KNL1: variants seen among roughly 807,000 people sequenced by gnomAD.
KNL1 encodes outer kinetochore KNL1 complex subunit KNL1.
A neutral mutation model predicts 201.3 loss-of-function variants in KNL1; 66 were observed. The ratio of observed to expected loss-of-function variants is 0.33; its 90% CI spans 0.27 to 0.40. The LOEUF (loss-of-function observed/expected upper bound fraction) is 0.40. KNL1 is among the 10% of genes least tolerant of loss of function. KNL1 has a pLI of 1.00. For synonymous variants in KNL1, 895 were observed against 899.2 expected (o/e 1.00, Z 0.08); for missense variants, 2,815 against 2,690.5 (o/e 1.05, Z -1.02).
intron 13 of KNL1, among the ~76,000 whole-genome samples, chr15:40,638,401 T>C (rs1255605912): frequency 1.3e-5 from 2 of 152,172 alleles, no homozygotes; most frequent in Non-Finnish European, 2.9e-5. Flanking sequence ...TCTTGCTTTG[T>C]TTCTCAGGCT....
At position 40,628,689 on chromosome 15, in the gene KNL1, A is replaced by G; in HGVS notation, c.5583+11A>G. On this transcript the variant is annotated intron_variant, in intron 12 of 25. Transcript: ENST00000399668. The stretch of plus-strand genomic sequence containing the variant: ...GAGAGCTTGAGGGAGGTATGTTAAA[A>G]TTCTTTTTCTTTTTTTTATTTATAA... The G allele has an allele frequency of 1.3e-6, 2 of 1,524,006 alleles. No homozygotes were observed. The highest frequency in any genetic ancestry group is 1.8e-6 in the Non-Finnish European group (2 of 1,116,832). The allele number at this position is 1,524,006 out of a possible 1,614,324, so 94.4% of individuals were successfully genotyped here. A position where few individuals can be genotyped will look rare whatever the true frequency, so the allele number is the denominator to read the frequency against.
chr15:40,616,192 G>C (rs1409271295), intron 8 of KNL1, among the ~76,000 whole-genome samples: 2 of 144,650 alleles, frequency 1.4e-5, no homozygotes, highest in Non-Finnish European at 1.5e-5. Flanking sequence ...GGTGCAATCT[G>C]GGCTCACTGC....
At chr15:40,610,204 A>G (rs1432186288) in intron 5 of KNL1, 41 bp from the exon 6 acceptor site, 1 of 1,064,584 alleles carries the variant, frequency 9.4e-7, no homozygotes, top group South Asian at 1.3e-5. Context: ...GATAATGATT[A>G]CAAATTGCAG....
At chr15:40,651,365 T>C (rs1595945852) in intron 19 of KNL1, 106 bp from the exon 20 acceptor site, 1 of 512,374 alleles carries the variant, frequency 2.0e-6, no homozygotes, top group East Asian at 3.6e-5. Flanking sequence ...ATTACCTCAA[T>C]GGGGAGTCAT....
At position 40,621,703 on chromosome 15, in the gene KNL1, G is replaced by T. The variant is rs1892536056; in HGVS notation, c.1439G>T (p.Gly480Val). The change falls in exon 10 of 26, where the codon GGA (glycine) becomes GTA (valine). Residue 480 changes from glycine to valine, a missense_variant. Gly to Val is a moderately radical substitution (Grantham distance 109, BLOSUM62 -3). Around this residue, in one of 3 missense-constraint regions of KNL1, gnomAD observed 2,464 missense variants for 2,291.7 expected, o/e 1.08. Transcript: ENST00000399668. Reference protein sequence around the residue: ...SSLTEKTIYSGEENMDITKSH... With the variant: ...SSLTEKTIYSVEENMDITKSH... Reference sequence around the variant, plus strand: ...CTCACAGAGAAAACTATTTATTCCGGAGAGGAGAACATGGACATTACCAAG... The same window carrying T: ...CTCACAGAGAAAACTATTTATTCCGTAGAGGAGAACATGGACATTACCAAG... 6.2e-7 allele frequency: 1 copy of T among 1,611,830 alleles called. No individual in the cohort carries two copies. Among genetic ancestry groups the T allele is most frequent in the Non-Finnish European group, 8.5e-7 (1 of 1,178,250 alleles).
At chr15:40,648,528 A>T (rs1191039815) in intron 17 of KNL1, among the ~76,000 whole-genome samples, 8 of 152,218 alleles carry the variant, frequency 5.3e-5, no homozygotes, top group African/African-American at 1.9e-4. Context: ...CACAATTCTT[A>T]TACATTGTAA....
intron 7 of KNL1, among the ~76,000 whole-genome samples, chr15:40,613,946 T>C (rs907721029): frequency 2.7e-5 from 4 of 148,414 alleles, no homozygotes; most frequent in South Asian, 4.3e-4. Context: ...TACAGGCGCC[T>C]GCCACCACGC....
In KNL1 at chr15:40,650,378, G is replaced by A. The variant is rs1183711426; in HGVS notation, c.6172G>A (p.Glu2058Lys). 1.2e-6 allele frequency: 2 copies of A among 1,610,596 alleles called. No homozygotes were observed. The highest frequency in any genetic ancestry group is 1.7e-6 in the Non-Finnish European group (2 of 1,177,036). The stretch of plus-strand genomic sequence containing the variant: ...TTCTGAAATGAGAGCTGCAGAAAAA[G>A]GTAATTGAATTAGTTAAGGAGATAA... ...WDSEMRAAEK[E>K]LEQLKTEEEE... The change falls in exon 18 of 26, where the codon GAA becomes AAA. Residue 2058 changes from glutamate to lysine, a missense_variant and splice_region_variant. Glu to Lys is a moderately conservative substitution (Grantham distance 56). This residue lies in a region of KNL1 where 334 missense variants were observed against 362.6 expected (regional missense o/e 0.92). Transcript: ENST00000399668.
chr15:40,634,586 T>A (rs1893002874), intron 13 of KNL1, among the ~76,000 whole-genome samples: 1 of 152,208 alleles, frequency 6.6e-6, no homozygotes, highest in Non-Finnish European at 1.5e-5. Flanking sequence ...CTTTTGGGCC[T>A]CAGCCTCATT....
rs1205826954 is a variant in KNL1 at position 40,621,978 on chromosome 15, A to G, written c.1714A>G (p.Met572Val). ...RKTELLSGEN[M>V]DLTESHTSNL... ...GACTGAACTCTTATCAGGTGAAAAT[A>G]TGGATTTGACTGAAAGTCACACAAG... The change falls in exon 10 of 26, where the codon ATG (methionine) becomes GTG (valine). Residue 572 changes from methionine to valine, a missense_variant. Physicochemically the swap from Met to Val is conservative, Grantham distance 21. Coordinates refer to ENST00000399668, the MANE Select transcript of KNL1 (RefSeq NM_144508.5). 6.2e-7 allele frequency: 1 copy of G among 1,614,080 alleles called. No individual in the cohort carries two copies. The highest frequency in any genetic ancestry group is 1.1e-5 in the South Asian group (1 of 91,082).
intron 8 of KNL1, among the ~76,000 whole-genome samples, chr15:40,616,125 CTT>C (rs34211041): frequency 7.5e-5 from 10 of 133,402 alleles, no homozygotes; most frequent in Non-Finnish European, 7.9e-5. Flanking sequence ...ACTATTACTT[CTT>C]TTTTTTTTTT....
intron 10 of KNL1, among the ~76,000 whole-genome samples, chr15:40,626,465 C>T (rs1358179799): frequency 1.3e-5 from 2 of 151,920 alleles, no homozygotes; most frequent in African/African-American, 4.8e-5. Flanking sequence ...GCCACCACGT[C>T]CAGCCTGCAT....
intron 13 of KNL1, among the ~76,000 whole-genome samples, chr15:40,636,098 A>G (rs577563648): frequency 5.1e-4 from 77 of 152,320 alleles, no homozygotes; most frequent in Admixed American, 1.2e-3. Flanking sequence ...TCGGCCTCCC[A>G]AAGTGCTGGG....
In KNL1 at chr15:40,624,547, A is replaced by G; in HGVS notation, c.4283A>G (p.Asp1428Gly). The change falls in exon 10 of 26, where the codon GAT becomes GGT. Residue 1428 changes from aspartate to glycine, a missense_variant. By Grantham distance (94) the Asp-to-Gly change is moderately conservative. This residue lies in a region of KNL1 where 2,464 missense variants were observed against 2,291.7 expected (regional missense o/e 1.08). Transcript: ENST00000399668. Reference protein sequence around the residue: ...SKRVSFKLPKDQMKVYVDDIY... With the variant: ...SKRVSFKLPKGQMKVYVDDIY... ...CGAGTATCTTTTAAGCTTCCAAAGGATCAAATGAAAGTCTATGTTGATGAC... is the reference window on the plus strand; with the variant it reads ...CGAGTATCTTTTAAGCTTCCAAAGGGTCAAATGAAAGTCTATGTTGATGAC... 1.9e-6 allele frequency: 3 copies of G among 1,613,962 alleles called. No homozygotes were observed. The highest frequency in any genetic ancestry group is 2.5e-6 in the Non-Finnish European group (3 of 1,179,900).
At chr15:40,606,239 C>T (rs1891967139) in intron 3 of KNL1, among the ~76,000 whole-genome samples, 154 bp from the exon 4 acceptor site, 1 of 152,212 alleles carries the variant, frequency 6.6e-6, no homozygotes, top group South Asian at 2.1e-4. Context: ...ATATTTAAAT[C>T]TGCCACACGG....
At chr15:40,639,053 A>G (rs898793921) in intron 13 of KNL1, among the ~76,000 whole-genome samples, 1 of 151,794 alleles carries the variant, frequency 6.6e-6, no homozygotes, top group Non-Finnish European at 1.5e-5. Context: ...CTGGCCTCCC[A>G]AAGTGCTGGG....
rs191249840 is a variant in KNL1, at chr15:40,625,535, C to A, written c.5271C>A (p.Cys1757Ter). The change falls in exon 10 of 26, where the codon TGC becomes TGA. Residue 1757 changes from cysteine to a stop codon, truncating the protein, a stop_gained. Transcript: ENST00000399668. LOFTEE classifies it high-confidence loss of function. Reference sequence around the variant, plus strand: ...ATGAAAATAAAATGGGAAAAACTTGCAATAGCCAAAAAAGAACGTGGGTAC... The same window carrying A: ...ATGAAAATAAAATGGGAAAAACTTGAAATAGCCAAAAAAGAACGTGGGTAC... ...SPYENKMGKT[C>*]NSQKRTWVQE... 1 of 1,607,592 alleles carries A rather than the reference C, an allele frequency of 6.2e-7. No homozygotes were observed.
At chr15:40,654,745 T>G (rs1893669406) in intron 21 of KNL1, among the ~76,000 whole-genome samples, 164 bp from the exon 22 acceptor site, 1 of 152,104 alleles carries the variant, frequency 6.6e-6, no homozygotes, top group Admixed American at 6.5e-5. Flanking sequence ...GGCGGGCGCC[T>G]GTAGTCCCAG....
rs770059725 is a variant in KNL1, at chr15:40,628,031, T to C, written c.5377-39T>C. ...GTGTTTGTCGTAAGTATACAGTGTATATTTTATTCTGATGATATTCCTTAA... is the reference window on the plus strand; with the variant it reads ...GTGTTTGTCGTAAGTATACAGTGTACATTTTATTCTGATGATATTCCTTAA... On this transcript the variant is annotated intron_variant, in intron 10 of 25. Coordinates refer to ENST00000399668, the MANE Select transcript of KNL1 (RefSeq NM_144508.5). 1.5e-5 allele frequency: 22 copies of C among 1,429,484 alleles called. No homozygotes were observed. The South Asian group carries it at 3.0e-4, about 20-fold the overall frequency. 88.6% of individuals were successfully genotyped at this position (1,429,484 alleles called of 1,614,324 possible). A position where few individuals can be genotyped will look rare whatever the true frequency, so the allele number is the denominator to read the frequency against.
Sources: allele counts gnomAD v4.1 joint callset (sites outside exome capture counted in the v4.1 genomes callset), GRCh38; gene constraint gnomAD v4.1.1; regional missense constraint gnomAD v4.1.1; transcripts MANE v1.5; gene names NCBI Gene and HGNC (gene_info 2026-07-23, HGNC 2026-07-21).